Variants in TXNL4A observed in about 807,000 individuals in gnomAD.
The protein encoded by TXNL4A is thioredoxin like 4A, also known as thioredoxin-like protein 4A.
Under a neutral mutation model 14.6 loss-of-function variants are expected in TXNL4A, and 17 were observed. The observed-to-expected ratio is 1.16, with a 90% confidence interval of 0.80 to 1.74. The LOEUF (loss-of-function observed/expected upper bound fraction) is 1.74, where lower values mean the gene tolerates loss of function less well. TXNL4A is among the 40% of genes most tolerant of loss of function. TXNL4A has a pLI of 0.00. For synonymous variants in TXNL4A, 83 were observed against 70.6 expected (o/e 1.18, Z -0.88); for missense variants, 74 against 195.2 (o/e 0.38, Z 3.70).
At chr18:79,998,572 G>C (rs1313699678) in intron 1 of TXNL4A, among the ~76,000 whole-genome samples, 1 of 149,306 alleles carries the variant, frequency 6.7e-6, no homozygotes, top group Non-Finnish European at 1.5e-5. Flanking sequence ...GGCTATTTTA[G>C]CCAACACCTG....
At chr18:79,992,207 A>ATGGTCATAC (rs2051632601), upstream of TXNL4A, among the ~76,000 whole-genome samples, 1 of 152,214 alleles carries the variant, frequency 6.6e-6, no homozygotes, top group South Asian at 2.1e-4. Flanking sequence ...GCCTTGTATT[A>ATGGTCATAC]TGGTCATACT....
intron 1 of TXNL4A, chr18:79,978,043 C>CTTTTTT: frequency 5.1e-6 from 1 of 196,400 alleles, no homozygotes; most frequent in Non-Finnish European, 1.0e-5. Flanking sequence ...TCATGTGACA[C>CTTTTTT]TACTGGGACC....
chr18:79,999,088 C>G (rs3952524), intron 1 of TXNL4A, among the ~76,000 whole-genome samples: 9 of 152,306 alleles, frequency 5.9e-5, no homozygotes, highest in South Asian at 2.1e-4. Context: ...CTGACCCGAG[C>G]TTGTCAATTG....
At chr18:79,989,716 C>T (rs923499400), upstream of TXNL4A, among the ~76,000 whole-genome samples, 17 of 152,136 alleles carry the variant, frequency 1.1e-4, no homozygotes, top group East Asian at 7.8e-4. Context: ...AAATCACGCC[C>T]GGGCGCGGTG....
chr18:79,973,654 A>G lies in TXNL4A; in HGVS notation c.*31T>C, dbSNP rs1251771857. On this transcript the variant is annotated 3_prime_UTR_variant, in exon 3 of 3. Coordinates refer to ENST00000269601, the MANE Select transcript of TXNL4A (RefSeq NM_006701.5). ...AACGTTTCCATACAAAAAGGGCTCC[A>G]CGACATTTATCCGCGCAGACTGAGG... 3 of 1,579,910 alleles carry G rather than the reference A, an allele frequency of 1.9e-6. No individual in the cohort carries two copies. Among genetic ancestry groups the G allele is most frequent in the Non-Finnish European group, 1.7e-6 (2 of 1,164,814 alleles).
chr18:80,012,119 C>T (rs1005773892), intron 1 of TXNL4A, among the ~76,000 whole-genome samples: 7 of 152,064 alleles, frequency 4.6e-5, no homozygotes, highest in South Asian at 2.1e-4. Flanking sequence ...GGGTACCCAC[C>T]GGGTAGTGTG....
At chr18:79,976,070 A>G (rs550201466) in intron 2 of TXNL4A, among the ~76,000 whole-genome samples, 2 of 152,302 alleles carry the variant, frequency 1.3e-5, no homozygotes, top group East Asian at 3.9e-4. Flanking sequence ...AACAGGAGGC[A>G]CCTAGGAAGC....
intron 1 of TXNL4A, among the ~76,000 whole-genome samples, chr18:80,020,247 G>T (rs2051839778): frequency 6.6e-6 from 1 of 152,098 alleles, no homozygotes; most frequent in Non-Finnish European, 1.5e-5. Flanking sequence ...TTACACTCCT[G>T]TTCAGGTTCT....
chr18:80,024,632 C>G (rs566621487), intron 1 of TXNL4A, among the ~76,000 whole-genome samples: 1 of 152,328 alleles, frequency 6.6e-6, no homozygotes, highest in African/African-American at 2.4e-5. Context: ...AACTGAGAAT[C>G]ACCTGAGGGT....
intron 2 of TXNL4A, 39 bp from the exon 3 acceptor site, chr18:79,973,895 C>G: frequency 6.3e-7 from 1 of 1,598,546 alleles, no homozygotes; most frequent in South Asian, 1.1e-5. Context: ...TCATAGAAGT[C>G]TCTTTAAAAA....
At chr18:80,015,371 AT>A (rs2051800966) in intron 1 of TXNL4A, among the ~76,000 whole-genome samples, 1 of 150,750 alleles carries the variant, frequency 6.6e-6, no homozygotes, top group Non-Finnish European at 1.5e-5. Context: ...TATTATTATT[AT>A]TATTATACTT....
rs2051845826 is a variant in TXNL4A, at chr18:80,021,133, C to A, written c.-61+12718G>T. Among the ~76,000 whole-genome samples the A allele has an allele frequency of 1.3e-5, 2 of 151,600 alleles. 1 individual carries two copies. Among genetic ancestry groups the A allele is most frequent in the South Asian group, 4.2e-4 (2 of 4,810 alleles). On this transcript the variant is annotated intron_variant, in intron 1 of 2. Transcript: ENST00000585474. ...AAACAGGTGGGCACTGTTTTGGACT[C>A]CCTGAGGCAGCACTGTACAGGTTAA... is the stretch of plus-strand genomic sequence containing the variant.
In TXNL4A at chr18:79,970,954, GC is replaced by G. The variant is rs1381248181; in HGVS notation, c.*2730del. 1.9e-4 allele frequency: 29 copies of G among 155,076 alleles called. No individual in the cohort carries two copies. The highest frequency in any genetic ancestry group is 7.0e-4 in the African/African-American group (29 of 41,644). 9.6% of individuals were successfully genotyped at this position (155,076 alleles called of 1,614,324 possible). A position where few individuals can be genotyped will look rare whatever the true frequency, so the allele number is the denominator to read the frequency against. ...ATCTTAGGGCACTTTTTCTGTTTAT[GC>G]CTGCTCGGCTTATGTAAGCACATTT... is the stretch of plus-strand genomic sequence containing the variant. On this transcript the variant is annotated 3_prime_UTR_variant, in exon 3 of 3. Transcript: ENST00000269601.
upstream of TXNL4A, chr18:79,988,619 G>A: frequency 2.6e-6 from 1 of 381,458 alleles, no homozygotes; most frequent in Admixed American, 4.7e-5. Context: ...CGCTAGCGCC[G>A]TGCGTGCTGA....
intron 1 of TXNL4A, among the ~76,000 whole-genome samples, chr18:80,006,858 T>C (rs1322120276): frequency 6.6e-6 from 1 of 152,208 alleles, no homozygotes; most frequent in African/African-American, 2.4e-5. Context: ...GCCATTTACA[T>C]AGCACTGGAA....
At chr18:79,996,158 A>T (rs1193934347) in intron 1 of TXNL4A, among the ~76,000 whole-genome samples, 1 of 148,764 alleles carries the variant, frequency 6.7e-6, no homozygotes, top group Non-Finnish European at 1.5e-5. Flanking sequence ...GGATTGCATT[A>T]GGCTGAAATG....
At chr18:80,030,173 A>G (rs375253831) in intron 1 of TXNL4A, among the ~76,000 whole-genome samples, 7 of 152,244 alleles carry the variant, frequency 4.6e-5, no homozygotes, top group African/African-American at 1.7e-4. Flanking sequence ...CCTTCAACCC[A>G]GGATTAGAAG....
intron 1 of TXNL4A, among the ~76,000 whole-genome samples, chr18:80,004,273 AG>A (rs1220187941): frequency 6.6e-6 from 1 of 152,168 alleles, no homozygotes; most frequent in Admixed American, 6.5e-5. Context: ...GCCTGCCCTG[AG>A]GGCAGCCTGA....
At chr18:80,009,858 G>A (rs1175714815) in intron 1 of TXNL4A, among the ~76,000 whole-genome samples, 1 of 152,148 alleles carries the variant, frequency 6.6e-6, no homozygotes, top group Non-Finnish European at 1.5e-5. Context: ...GAAATTGTAC[G>A]CAGGCTCACT....
Sources: gnomAD v4.1 joint callset for allele counts (sites outside exome capture counted in the v4.1 genomes callset) on GRCh38, gnomAD v4.1.1 for gene constraint, MANE v1.5 for transcripts, NCBI Gene and HGNC (gene_info 2026-07-23, HGNC 2026-07-21) for gene names.